The following CEP83 variants were observed in gnomAD, a reference collection of about 807,000 sequenced individuals.
The protein encoded by CEP83 is centrosomal protein of 83 kDa.
Under a neutral mutation model 101.9 loss-of-function variants are expected in CEP83, and 70 were observed. The observed-to-expected ratio is 0.69, with a 90% CI of 0.57 to 0.84. The LOEUF (loss-of-function observed/expected upper bound fraction) is 0.84. Ranked by LOEUF, CEP83 falls within the 40% of genes least tolerant of loss-of-function variation. The probability of loss-of-function intolerance (pLI) is 0.00; values close to 1 mark genes in which losing one functional copy is unlikely to be tolerated. For missense variants in CEP83, 715 were observed against 787.2 expected, an observed-to-expected ratio of 0.91 and a Z score of 1.10; for synonymous variants, 264 against 267.9, an observed-to-expected ratio of 0.99 and a Z score of 0.14.
intron 14 of CEP83, among the ~76,000 whole-genome samples, chr12:94,330,860 T>C (rs1342793934): frequency 6.6e-6 from 1 of 152,164 alleles, no homozygotes; most frequent in Non-Finnish European, 1.5e-5. Context: ...ACATACAAAA[T>C]TTAGAAACAA....
the CEP83 span, among the ~76,000 whole-genome samples, chr12:94,289,797 G>A: frequency 6.6e-6 from 1 of 152,224 alleles, no homozygotes; most frequent in Non-Finnish European, 1.5e-5. Flanking sequence ...TGGGGGAAAT[G>A]TTCCAGCTCT....
At chr12:94,282,475 T>C in the CEP83 span, 2 of 956,026 alleles carry the variant, frequency 2.1e-6, no homozygotes, top group South Asian at 1.4e-5. Context: ...TTTTAAAACA[T>C]CCAGGACTCC....
intron 2 of CEP83, among the ~76,000 whole-genome samples, chr12:94,429,213 A>T (rs2065432394): frequency 6.6e-6 from 1 of 152,208 alleles, no homozygotes; most frequent in Non-Finnish European, 1.5e-5. Context: ...CTTATCCGAG[A>T]TTAGCTAAGA....
intron 16 of CEP83, among the ~76,000 whole-genome samples, chr12:94,309,461 T>A (rs1969498339): frequency 6.6e-6 from 1 of 152,190 alleles, no homozygotes; most frequent in Non-Finnish European, 1.5e-5. Context: ...TATGACCTTA[T>A]GCAAGTCACT....
At chr12:94,454,572 AG>A (rs1566259213) in intron 1 of CEP83, among the ~76,000 whole-genome samples, 1 of 152,220 alleles carries the variant, frequency 6.6e-6, no homozygotes, top group Non-Finnish European at 1.5e-5. Flanking sequence ...GGGCCAAATA[AG>A]GGAAGAAGAG....
intron 2 of CEP83, among the ~76,000 whole-genome samples, chr12:94,418,101 C>T (rs1451414673): frequency 6.6e-6 from 1 of 152,092 alleles, no homozygotes; most frequent in Non-Finnish European, 1.5e-5. Flanking sequence ...GTGGCTCATG[C>T]CTGTAATCCT....
At chr12:94,279,810 G>T in the CEP83 span, 1 of 729,986 alleles carries the variant, frequency 1.4e-6, no homozygotes, top group Non-Finnish European at 2.5e-6. Flanking sequence ...CCAAGAGACT[G>T]CTTTGGTCTC....
intron 16 of CEP83, 35 bp downstream of exon 16, chr12:94,309,883 G>A (rs776638919): frequency 1.3e-5 from 17 of 1,314,350 alleles, no homozygotes; most frequent in Admixed American, 5.1e-5. Context: ...AAAAATGTAC[G>A]ACTTTTTTTT....
chr12:94,387,193 C>A (rs917662965), intron 6 of CEP83, among the ~76,000 whole-genome samples: 2 of 152,132 alleles, frequency 1.3e-5, no homozygotes, highest in Non-Finnish European at 2.9e-5. Context: ...AAGCAAGGGT[C>A]CCCAAACCCT....
intron 2 of CEP83, among the ~76,000 whole-genome samples, chr12:94,412,875 C>T (rs1410901824): frequency 3.4e-5 from 5 of 147,332 alleles, no homozygotes; most frequent in South Asian, 2.2e-4. Flanking sequence ...TTTTTTGAGA[C>T]GGAGTCTCGC....
chr12:94,279,554 G>C, the CEP83 span: 1 of 1,614,176 alleles, frequency 6.2e-7, no homozygotes, highest in South Asian at 1.1e-5. Flanking sequence ...GTTCTCGACT[G>C]TGACACCATT....
At position 94,328,350 on chromosome 12, in the gene CEP83, A is replaced by G. The variant is rs537509801; in HGVS notation, c.1707+3350T>C. 84 of 266,270 alleles carry G rather than the reference A, an allele frequency of 3.2e-4. 1 individual carries two copies. Among genetic ancestry groups the G allele is most frequent in the African/African-American group, 1.9e-3 (81 of 43,658 alleles). 16.5% of individuals were successfully genotyped at this position (266,270 alleles called of 1,614,324 possible). ...AACACAACAAAACATCATTTACACC[A>G]AAGACTACTTAAAAACAGCAGAAAT... On this transcript the variant is annotated intron_variant, in intron 14 of 16. Transcript: ENST00000397809.
chr12:94,405,774 G>T (rs1278063408), intron 4 of CEP83, among the ~76,000 whole-genome samples: 1 of 152,310 alleles, frequency 6.6e-6, no homozygotes, highest in East Asian at 1.9e-4. Flanking sequence ...GCAGTCATGA[G>T]GGACTCCCTG....
At chr12:94,319,907 T>A (rs1268608607) in intron 14 of CEP83, among the ~76,000 whole-genome samples, 1 of 152,188 alleles carries the variant, frequency 6.6e-6, no homozygotes, top group East Asian at 1.9e-4. Flanking sequence ...TGAATATCTT[T>A]GTTAACTTTC....
intron 14 of CEP83, among the ~76,000 whole-genome samples, chr12:94,325,463 G>A (rs1159519176): frequency 3.3e-5 from 5 of 151,872 alleles, no homozygotes; most frequent in African/African-American, 9.7e-5. Context: ...GTGAGTCACC[G>A]CACCCAGCCT....
At chr12:94,276,350 T>C in the CEP83 span, among the ~76,000 whole-genome samples, 15 of 152,216 alleles carry the variant, frequency 9.9e-5, no homozygotes, top group East Asian at 1.5e-3. Flanking sequence ...GGCACCAGCA[T>C]TGACCCCTTC....
intron 11 of CEP83, among the ~76,000 whole-genome samples, chr12:94,360,611 C>G (rs1299799647): frequency 6.6e-6 from 1 of 150,734 alleles, no homozygotes; most frequent in African/African-American, 2.4e-5. Flanking sequence ...TTGAAGACAC[C>G]AAAAAATGAA....
intron 2 of CEP83, among the ~76,000 whole-genome samples, chr12:94,427,516 T>G (rs2065293783): frequency 6.6e-6 from 1 of 152,180 alleles, no homozygotes; most frequent in African/African-American, 2.4e-5. Flanking sequence ...TTTACAGACC[T>G]CCATATGACA....
Position 94,436,946 on chromosome 12 carries a change from A to T in CEP83, c.-154-1619T>A, listed in dbSNP as rs1333288655. 2.0e-5 allele frequency among the ~76,000 whole-genome samples: 3 copies of T among 152,262 alleles called. No homozygotes were observed. In the East Asian group the frequency reaches 5.8e-4, roughly 29 times the overall value. ...CGTTAAAAGACCCAACATAAGAATA[A>T]TTGCTGTCCCTAAGGAAGAAGAGAA... On this transcript the variant is annotated intron_variant, in intron 1 of 16. Coordinates refer to ENST00000397809, the MANE Select transcript of CEP83 (RefSeq NM_016122.3).
Sources: allele counts gnomAD v4.1 joint callset (sites outside exome capture counted in the v4.1 genomes callset), GRCh38; gene constraint gnomAD v4.1.1; transcripts MANE v1.5; gene names NCBI Gene and HGNC (gene_info 2026-07-23, HGNC 2026-07-21).